The following CCDC170 variants were observed in gnomAD, a reference collection of about 807,000 sequenced individuals.
CCDC170 encodes the protein coiled-coil domain containing 170.
In CCDC170, 69 loss-of-function variants were observed where a neutral mutation model predicts 72.6. The observed-to-expected ratio is 0.95, with a 90% CI of 0.78 to 1.16. The LOEUF is 1.16. Ranked by LOEUF, CCDC170 falls within the 50% of genes most tolerant of loss-of-function variation. The probability of loss-of-function intolerance (pLI) is 0.00; values close to 1 mark genes in which losing one functional copy is unlikely to be tolerated. For synonymous variants in CCDC170, 300 were observed against 303.9 expected, an observed-to-expected ratio of 0.99 and a Z score of 0.13; for missense variants, 852 against 832.5, an observed-to-expected ratio of 1.02 and a Z score of -0.29.
chr6:151,508,748 G>T (rs1444401243), intron 1 of CCDC170, among the ~76,000 whole-genome samples: 3 of 150,396 alleles, frequency 2.0e-5, no homozygotes, highest in Non-Finnish European at 3.0e-5. Flanking sequence ...GGGCGTGGTG[G>T]CTCACGCCTG....
Position 151,585,939 on chromosome 6 carries a change from A to C in CCDC170, c.1143A>C (p.Gly381=). 1 of 1,614,000 alleles carries C rather than the reference A, an allele frequency of 6.2e-7. No individual in the cohort carries two copies. Among genetic ancestry groups the C allele is most frequent in the Non-Finnish European group, 8.5e-7 (1 of 1,179,954 alleles). The change falls in exon 7 of 11, where the codon GGA becomes GGC. Residue 381 remains glycine, a synonymous_variant. Coordinates refer to ENST00000239374, the MANE Select transcript of CCDC170 (RefSeq NM_025059.4). ...TATCTGAGCTTGTTGAACAGTTGGGAAAGGAGTCTGGGTTTCACCAGAAAG... is the reference window on the plus strand; with the variant it reads ...TATCTGAGCTTGTTGAACAGTTGGGCAAGGAGTCTGGGTTTCACCAGAAAG... The part of the protein sequence containing the change: ...AQISELVEQL[G]KESGFHQKAL...
chr6:151,597,627 G>A (rs754643707), intron 9 of CCDC170, among the ~76,000 whole-genome samples: 3 of 152,198 alleles, frequency 2.0e-5, no homozygotes, highest in Non-Finnish European at 2.9e-5. Flanking sequence ...TCATTACCAA[G>A]TCCAGTGGAG....
Position 151,617,980 on chromosome 6 carries a change from C to T in CCDC170, c.1981C>T (p.Leu661=). ...ADFREVVSQM[L]GLNVTSLALP... ...CTTCAGGGAGGTGGTGTCGCAGATGCTAGGCTTGAACGTGACCAGCCTTGC... is the reference window on the plus strand; with the variant it reads ...CTTCAGGGAGGTGGTGTCGCAGATGTTAGGCTTGAACGTGACCAGCCTTGC... Residue 661 remains leucine (L), a synonymous_variant, in exon 11 of 11, where the codon CTA becomes TTA. Coordinates refer to ENST00000239374, the MANE Select transcript of CCDC170 (RefSeq NM_025059.4). 6.2e-7 allele frequency: 1 copy of T among 1,614,022 alleles called. No homozygotes were observed.
At chr6:151,536,154 A>G (rs911380031) in intron 1 of CCDC170, 164 bp from the exon 2 acceptor site, 11 of 730,822 alleles carry the variant, frequency 1.5e-5, no homozygotes, top group Non-Finnish European at 2.2e-5. Flanking sequence ...GAACTTTGAG[A>G]ATGAGAACCA....
chr6:151,585,534 T>G (rs185139851), intron 6 of CCDC170, among the ~76,000 whole-genome samples: 24 of 152,370 alleles, frequency 1.6e-4, no homozygotes, highest in African/African-American at 4.3e-4. Flanking sequence ...GGAATGACTC[T>G]TTGTAGATTT....
chr6:151,582,548 G>T (rs772578117), intron 6 of CCDC170, among the ~76,000 whole-genome samples: 1 of 152,078 alleles, frequency 6.6e-6, no homozygotes, highest in Non-Finnish European at 1.5e-5. Flanking sequence ...CTTATCATTT[G>T]TGTGTGTCTT....
At chr6:151,545,119 T>C (rs1782751434) in intron 4 of CCDC170, among the ~76,000 whole-genome samples, 1 of 152,110 alleles carries the variant, frequency 6.6e-6, no homozygotes, top group Non-Finnish European at 1.5e-5. Flanking sequence ...TTTAAAAATT[T>C]ACATTAAAAC....
chr6:151,567,114 T>G (rs1776149027), intron 5 of CCDC170, among the ~76,000 whole-genome samples: 1 of 152,052 alleles, frequency 6.6e-6, no homozygotes, highest in Non-Finnish European at 1.5e-5. Context: ...AGACGGGGTT[T>G]CTCCATGTTG....
At chr6:151,549,986 G>C (rs1782854440) in intron 5 of CCDC170, among the ~76,000 whole-genome samples, 2 of 152,162 alleles carry the variant, frequency 1.3e-5, no homozygotes, top group South Asian at 4.1e-4. Flanking sequence ...AAAGGACATG[G>C]ACCTTGTAAT....
chr6:151,604,235 A>C (rs1011444647), intron 9 of CCDC170, among the ~76,000 whole-genome samples: 1 of 152,146 alleles, frequency 6.6e-6, no homozygotes, highest in African/African-American at 2.4e-5. Context: ...AACTTTCTCC[A>C]ACCCAACGAG....
At chr6:151,563,490 G>A (rs749423435) in intron 5 of CCDC170, among the ~76,000 whole-genome samples, 4 of 152,154 alleles carry the variant, frequency 2.6e-5, no homozygotes, top group Non-Finnish European at 4.4e-5. Flanking sequence ...TGGGGCCTAC[G>A]AGTCCCCTGC....
chr6:151,554,553 C>T (rs1482460046), intron 5 of CCDC170, among the ~76,000 whole-genome samples: 19 of 152,062 alleles, frequency 1.2e-4, no homozygotes, highest in Admixed American at 1.2e-3. Context: ...GGCAAAACCC[C>T]ATCTCTACTA....
chr6:151,591,661 A>T (rs1776537277), intron 7 of CCDC170, among the ~76,000 whole-genome samples: 1 of 151,672 alleles, frequency 6.6e-6, no homozygotes, highest in African/African-American at 2.4e-5. Context: ...CGCCCAGCTA[A>T]TTTTTTTGTA....
chr6:151,601,209 T>C (rs1776703806), intron 9 of CCDC170, among the ~76,000 whole-genome samples: 1 of 152,160 alleles, frequency 6.6e-6, no homozygotes, highest in Non-Finnish European at 1.5e-5. Context: ...TTTTCCCTTA[T>C]AAAACCATCA....
intron 9 of CCDC170, among the ~76,000 whole-genome samples, chr6:151,614,155 T>A (rs1308605503): frequency 6.6e-6 from 1 of 152,222 alleles, no homozygotes; most frequent in African/African-American, 2.4e-5. Context: ...TTATTAAGTG[T>A]ACAATTCCAT....
Position 151,534,816 on chromosome 6 carries a change from T to C in CCDC170, c.58-1502T>C, listed in dbSNP as rs6913919. 7.0e-3 allele frequency among the ~76,000 whole-genome samples: 1,059 copies of C among 152,332 alleles called. 14 individuals carry two copies. Among genetic ancestry groups the C allele is most frequent in the African/African-American group, 0.024 (977 of 41,564 alleles). On this transcript the variant is annotated intron_variant, in intron 1 of 10. Transcript: ENST00000239374. ...ATTCATGACTATATCAAACAGTAGT[T>C]GCTGGTAGTGGAGTAGTCTCTGGCA...
At chr6:151,512,190 C>T (rs1391594599) in intron 1 of CCDC170, among the ~76,000 whole-genome samples, 1 of 141,380 alleles carries the variant, frequency 7.1e-6, no homozygotes, top group Non-Finnish European at 1.5e-5. Context: ...GATGGAGTCT[C>T]GCTCTGTTGC....
At chr6:151,523,427 C>T (rs1033717341) in intron 1 of CCDC170, among the ~76,000 whole-genome samples, 5 of 152,132 alleles carry the variant, frequency 3.3e-5, no homozygotes, top group African/African-American at 1.2e-4. Flanking sequence ...TGGCTCACGC[C>T]TGTAATCCCA....
At chr6:151,519,684 G>A (rs1200586904) in intron 1 of CCDC170, among the ~76,000 whole-genome samples, 1 of 152,168 alleles carries the variant, frequency 6.6e-6, no homozygotes, top group African/African-American at 2.4e-5. Flanking sequence ...TCCGTTCGGG[G>A]TTCCTGACTT....
Sources: allele counts gnomAD v4.1 joint callset (sites outside exome capture counted in the v4.1 genomes callset), GRCh38; gene constraint gnomAD v4.1.1; transcripts MANE v1.5; gene names NCBI Gene and HGNC (gene_info 2026-07-23, HGNC 2026-07-21).